GNB4: variants seen among roughly 807,000 people sequenced by gnomAD.
The protein encoded by GNB4 is guanine nucleotide-binding protein subunit beta-4.
A neutral mutation model predicts 45.2 loss-of-function variants in GNB4; 28 were observed. That is an observed-to-expected ratio of 0.62 (90% confidence interval 0.46 to 0.85). The LOEUF (loss-of-function observed/expected upper bound fraction) is 0.85. Among genes scored for constraint, GNB4 ranks in the 40% least tolerant of loss-of-function variants. The probability of loss-of-function intolerance (pLI) is 0.00; values close to 1 mark genes in which losing one functional copy is unlikely to be tolerated. For missense variants in GNB4, 321 were observed against 425.4 expected, an observed-to-expected ratio of 0.75 and a Z score of 2.16; for synonymous variants, 132 against 143.7, an observed-to-expected ratio of 0.92 and a Z score of 0.58.
chr3:179,507,810 T>C, the GNB4 span, among the ~76,000 whole-genome samples: 1 of 152,244 alleles, frequency 6.6e-6, no homozygotes, highest in Non-Finnish European at 1.5e-5. Context: ...TTAATTATTC[T>C]CGCGTCTTCT....
the GNB4 span, among the ~76,000 whole-genome samples, chr3:179,482,841 T>C: frequency 6.6e-6 from 1 of 152,242 alleles, no homozygotes; most frequent in Non-Finnish European, 1.5e-5. Flanking sequence ...ATGACTTTTC[T>C]GGTCTCAGAA....
At chr3:179,431,826 G>C (rs1302675080) in intron 1 of GNB4, among the ~76,000 whole-genome samples, 1 of 152,140 alleles carries the variant, frequency 6.6e-6, no homozygotes, top group African/African-American at 2.4e-5. Flanking sequence ...TCCTCAGTGT[G>C]TTCAGCTGTT....
intron 1 of GNB4, among the ~76,000 whole-genome samples, chr3:179,446,396 C>T (rs1026834071): frequency 2.0e-5 from 3 of 152,208 alleles, no homozygotes; most frequent in African/African-American, 7.2e-5. Context: ...TATTAAAATA[C>T]TTCAAGGGAC....
chr3:179,401,661 A>G (rs890436287), intron 9 of GNB4, among the ~76,000 whole-genome samples: 4 of 152,222 alleles, frequency 2.6e-5, no homozygotes, highest in Admixed American at 1.3e-4. Flanking sequence ...CGATATTCCA[A>G]ATTTTGCTAC....
intron 1 of GNB4, among the ~76,000 whole-genome samples, chr3:179,447,183 AC>A (rs1310425748): frequency 6.6e-6 from 1 of 152,046 alleles, no homozygotes; most frequent in African/African-American, 2.4e-5. Context: ...AGAAAGCATT[AC>A]AGGCAGAACA....
At chr3:179,516,124 T>C in the GNB4 span, among the ~76,000 whole-genome samples, 5 of 152,206 alleles carry the variant, frequency 3.3e-5, no homozygotes, top group African/African-American at 7.2e-5. Flanking sequence ...GCTCTATTCT[T>C]GAGAGAGTCC....
chr3:179,495,896 T>C, the GNB4 span, among the ~76,000 whole-genome samples: 3 of 152,170 alleles, frequency 2.0e-5, no homozygotes, highest in African/African-American at 7.2e-5. Context: ...AAAGTCTTTT[T>C]TAGAAAAACA....
chr3:179,413,183 CA>C (rs933359971), intron 8 of GNB4, among the ~76,000 whole-genome samples: 1 of 150,998 alleles, frequency 6.6e-6, no homozygotes. Flanking sequence ...CTCAAAAAAA[CA>C]AAAAAATAAC....
At chr3:179,500,350 C>T in the GNB4 span, among the ~76,000 whole-genome samples, 20 of 152,190 alleles carry the variant, frequency 1.3e-4, no homozygotes, top group Non-Finnish European at 2.5e-4. Context: ...ATCCTTTCCC[C>T]ATTTCTTGTT....
intron 3 of GNB4, among the ~76,000 whole-genome samples, chr3:179,420,588 G>A (rs1403922613): frequency 2.0e-5 from 3 of 151,402 alleles, no homozygotes; most frequent in Non-Finnish European, 4.4e-5. Context: ...TCAACCTCCC[G>A]ACTAGCTGGG....
chr3:179,418,038 GA>G (rs1434273047), intron 4 of GNB4, among the ~76,000 whole-genome samples: 1 of 152,142 alleles, frequency 6.6e-6, no homozygotes, highest in Non-Finnish European at 1.5e-5. Flanking sequence ...ATTTTTCTAT[GA>G]AGATTAACAG....
chr3:179,423,978 G>A (rs565076289), intron 2 of GNB4, among the ~76,000 whole-genome samples: 1 of 152,216 alleles, frequency 6.6e-6, no homozygotes, highest in Admixed American at 6.5e-5. Context: ...TACAGCACAA[G>A]TCGCAGGAAA....
the GNB4 span, among the ~76,000 whole-genome samples, chr3:179,470,305 A>G: frequency 0.15 from 22,706 of 152,040 alleles, 1,943 homozygotes; most frequent in East Asian, 0.23. Flanking sequence ...TGGTTATCAT[A>G]GGAAGTGACA....
chr3:179,459,171 A>G, the GNB4 span, among the ~76,000 whole-genome samples: 18 of 152,210 alleles, frequency 1.2e-4, no homozygotes, highest in South Asian at 3.7e-3. Context: ...ACTCTTCCCA[A>G]CCCCCCATCT....
chr3:179,425,923 C>A (rs1478206214), intron 2 of GNB4, among the ~76,000 whole-genome samples: 2 of 152,166 alleles, frequency 1.3e-5, no homozygotes, highest in South Asian at 4.1e-4. Flanking sequence ...TTCATAGAGG[C>A]CATTCTTCTA....
the GNB4 span, among the ~76,000 whole-genome samples, chr3:179,480,669 T>A: frequency 6.6e-6 from 1 of 152,108 alleles, no homozygotes; most frequent in African/African-American, 2.4e-5. Context: ...CATGTCCACA[T>A]TGATAAGATA....
At chr3:179,484,970 G>C in the GNB4 span, among the ~76,000 whole-genome samples, 8 of 145,600 alleles carry the variant, frequency 5.5e-5, 1 homozygote, top group Middle Eastern at 0.025. Context: ...TTCGGTATTT[G>C]CTAATTCAGT....
chr3:179,446,710 T>C (rs1320604619), intron 1 of GNB4, among the ~76,000 whole-genome samples: 1 of 152,184 alleles, frequency 6.6e-6, no homozygotes, highest in East Asian at 1.9e-4. Context: ...AAAAGAAAGG[T>C]GATAACGTGA....
chr3:179,476,734 G>A, the GNB4 span, among the ~76,000 whole-genome samples: 33 of 152,316 alleles, frequency 2.2e-4, no homozygotes, highest in Middle Eastern at 6.8e-3. Flanking sequence ...TTAGCACCAC[G>A]TAAATACCAC....
Sources: gnomAD v4.1 joint callset for allele counts (sites outside exome capture counted in the v4.1 genomes callset) on GRCh38, gnomAD v4.1.1 for gene constraint, MANE v1.5 for transcripts, NCBI Gene and HGNC (gene_info 2026-07-23, HGNC 2026-07-21) for gene names.